The following PTPRD variants were observed in gnomAD, a reference collection of about 807,000 sequenced individuals.
The protein encoded by PTPRD is receptor-type tyrosine-protein phosphatase delta.
A neutral mutation model predicts 214.5 loss-of-function variants in PTPRD; 34 were observed. That is an observed-to-expected ratio of 0.16 (90% CI 0.12 to 0.21). PTPRD has a LOEUF of 0.21. Ranked by LOEUF, PTPRD falls within the 10% of genes least tolerant of loss-of-function variation. The pLI, the probability that PTPRD is intolerant of heterozygous loss-of-function variation, is 1.00. For missense variants in PTPRD, 2,545 were observed against 2,398.7 expected, an observed-to-expected ratio of 1.06 and a Z score of -1.27; for synonymous variants, 1,128 against 845.7, an observed-to-expected ratio of 1.33 and a Z score of -5.79.
chr9:9,456,530 A>C (rs923507883), intron 8 of PTPRD, among the ~76,000 whole-genome samples: 1 of 151,842 alleles, frequency 6.6e-6, no homozygotes, highest in Non-Finnish European at 1.5e-5. Flanking sequence ...ACCAGATGGC[A>C]GAAAGAATAT....
intron 4 of PTPRD, among the ~76,000 whole-genome samples, chr9:10,010,988 T>C (rs1032989211): frequency 3.9e-5 from 6 of 151,986 alleles, no homozygotes; most frequent in Non-Finnish European, 7.4e-5. Flanking sequence ...CCAAAGTATT[T>C]CATCTGGTTA....
At chr9:8,471,347 A>G (rs2096648998) in intron 30 of PTPRD, among the ~76,000 whole-genome samples, 1 of 152,124 alleles carries the variant, frequency 6.6e-6, no homozygotes, top group Non-Finnish European at 1.5e-5. Flanking sequence ...TCATAAACAG[A>G]GCAGGCATAG....
chr9:8,332,558 T>A (rs1255938273), intron 43 of PTPRD, among the ~76,000 whole-genome samples: 1 of 152,144 alleles, frequency 6.6e-6, no homozygotes, highest in African/African-American at 2.4e-5. Context: ...AAAAGCCAGA[T>A]TGAAGAGCAG....
intron 7 of PTPRD, among the ~76,000 whole-genome samples, chr9:9,693,309 C>T (rs528880758): frequency 1.8e-4 from 28 of 152,106 alleles, no homozygotes; most frequent in Admixed American, 5.2e-4. Context: ...AATGGTTTCC[C>T]GCATAATGTT....
At chr9:8,338,862 A>AGAGAGAGAGAGAGG in intron 43 of PTPRD, 60 bp downstream of exon 43, 1 of 1,512,290 alleles carries the variant, frequency 6.6e-7, no homozygotes. Context: ...AGAGAGAGAG[A>AGAGAGAGAGAGAGG]GAGGTATCTT....
chr9:8,562,725 C>T (rs1006390193), intron 14 of PTPRD, among the ~76,000 whole-genome samples: 1 of 152,132 alleles, frequency 6.6e-6, no homozygotes, highest in Non-Finnish European at 1.5e-5. Context: ...GCCTGAGCCA[C>T]TGTGCCTGGC....
rs551754094 is a variant in PTPRD, at chr9:10,225,017, G to A, written c.-545+115946C>T. Among the ~76,000 whole-genome samples the A allele has an allele frequency of 4.6e-5, 7 of 152,064 alleles. No homozygotes were observed. In the South Asian group the frequency reaches 1.5e-3, roughly 32 times the overall value. On this transcript the variant is annotated intron_variant, in intron 3 of 45. Coordinates refer to ENST00000381196, the MANE Select transcript of PTPRD (RefSeq NM_002839.4). ...AGGCTGTTAATAGTTAAGCTTTTGG[G>A]GAGCCAAAAGTTATACATAGATTTC...
chr9:8,613,222 T>C (rs559360271), intron 14 of PTPRD, among the ~76,000 whole-genome samples: 14 of 152,284 alleles, frequency 9.2e-5, no homozygotes, highest in East Asian at 7.7e-4. Context: ...AAAAAGCACA[T>C]GTAGATTAAG....
chr9:8,578,680 G>C (rs1037877583), intron 14 of PTPRD, among the ~76,000 whole-genome samples: 8 of 152,148 alleles, frequency 5.3e-5, no homozygotes, highest in African/African-American at 1.4e-4. Flanking sequence ...AAATGGCAAA[G>C]TGTTTGAAAT....
intron 2 of PTPRD, among the ~76,000 whole-genome samples, chr9:10,565,353 T>A (rs974236052): frequency 6.6e-6 from 1 of 152,078 alleles, no homozygotes; most frequent in African/African-American, 2.4e-5. Context: ...CCTTGGTGGT[T>A]CATAATTGCC....
At chr9:8,353,766 C>A (rs1040423384) in intron 39 of PTPRD, among the ~76,000 whole-genome samples, 8 of 150,954 alleles carry the variant, frequency 5.3e-5, no homozygotes, top group Admixed American at 4.0e-4. Flanking sequence ...AACCCTTTTG[C>A]CTACTCACAT....
chr9:10,608,738 A>T (rs1044042966), intron 2 of PTPRD, among the ~76,000 whole-genome samples: 2 of 152,148 alleles, frequency 1.3e-5, no homozygotes, highest in Non-Finnish European at 2.9e-5. Flanking sequence ...TACTACAATC[A>T]CATCAGTGTT....
At chr9:8,769,973 G>A (rs2154483847) in intron 11 of PTPRD, among the ~76,000 whole-genome samples, 1 of 152,278 alleles carries the variant, frequency 6.6e-6, no homozygotes, top group Middle Eastern at 3.4e-3. Context: ...ACAGCTATGA[G>A]TGAAAACTGT....
intron 6 of PTPRD, among the ~76,000 whole-genome samples, chr9:9,744,743 C>G (rs980591953): frequency 1.3e-5 from 2 of 151,930 alleles, no homozygotes; most frequent in African/African-American, 4.8e-5. Flanking sequence ...TATAAATCTC[C>G]TAGCCTGGTA....
chr9:9,304,341 C>T (rs752013637), intron 9 of PTPRD, among the ~76,000 whole-genome samples: 2 of 152,112 alleles, frequency 1.3e-5, no homozygotes, highest in Non-Finnish European at 2.9e-5. Flanking sequence ...TTTCAAAGAA[C>T]ATGACATTTG....
At chr9:9,787,783 T>TATTATTATTATG (rs1565262325) in intron 5 of PTPRD, among the ~76,000 whole-genome samples, 1 of 151,206 alleles carries the variant, frequency 6.6e-6, no homozygotes, top group Non-Finnish European at 1.5e-5. Flanking sequence ...TTATTATTAT[T>TATTATTATTATG]ATTATTATTA....
chr9:8,465,631 C>G lies in PTPRD; in HGVS notation c.3549G>C (p.Gly1183=). The G allele has an allele frequency of 6.2e-7, 1 of 1,612,288 alleles. No homozygotes were observed. The highest frequency in any genetic ancestry group is 8.5e-7 in the Non-Finnish European group (1 of 1,178,882). Residue 1183 remains glycine, a synonymous_variant, in exon 32 of 46, where the codon GGG becomes GGC. Coordinates refer to ENST00000381196, the MANE Select transcript of PTPRD (RefSeq NM_002839.4). ...TATATGGCTTTAATTCAACTTCTCT[C>G]CCATAACGGATGCTTCTGCGCTTCC... ...ISRKRRSIRY[G]REVELKPYIA...
At chr9:8,538,780 G>A (rs762908606) in intron 14 of PTPRD, among the ~76,000 whole-genome samples, 11 of 151,842 alleles carry the variant, frequency 7.2e-5, no homozygotes, top group Non-Finnish European at 1.0e-4. Context: ...GAGAGGCTGG[G>A]AGCAGTAATA....
At position 8,358,883 on chromosome 9, in the gene PTPRD, G is replaced by A. The variant is rs555066571; in HGVS notation, c.4662-16905C>T. 5.3e-5 allele frequency among the ~76,000 whole-genome samples: 8 copies of A among 151,434 alleles called. No individual in the cohort carries two copies. The South Asian group carries it at 6.3e-4, about 12-fold the overall frequency. ...AGCACTTTGGGAGGCCGAGGCGGGC[G>A]GATCACGAGGTCAGGAGATCGAGAC... On this transcript the variant is annotated intron_variant, in intron 39 of 45. Transcript: ENST00000381196.
Sources: gnomAD v4.1 joint callset for allele counts (sites outside exome capture counted in the v4.1 genomes callset) on GRCh38, gnomAD v4.1.1 for gene constraint, MANE v1.5 for transcripts, NCBI Gene and HGNC (gene_info 2026-07-23, HGNC 2026-07-21) for gene names.